The following STOX2 variants were observed in gnomAD, a reference collection of about 807,000 sequenced individuals.
STOX2 encodes the protein storkhead box 2, also known as storkhead-box protein 2.
Under a neutral mutation model 60.9 loss-of-function variants are expected in STOX2, and 28 were observed. The ratio of observed to expected loss-of-function variants is 0.46; its 90% CI spans 0.34 to 0.63. The LOEUF is 0.63. STOX2 is among the 30% of genes least tolerant of loss of function. The probability of loss-of-function intolerance (pLI) is 0.01; values close to 1 mark genes in which losing one functional copy is unlikely to be tolerated. For missense variants in STOX2, 1,024 were observed against 1,187.7 expected, an observed-to-expected ratio of 0.86 and a Z score of 2.03; for synonymous variants, 472 against 463.9, an observed-to-expected ratio of 1.02 and a Z score of -0.22.
At chr4:183,961,154 G>C (rs116421761) in intron 1 of STOX2, among the ~76,000 whole-genome samples, 1,730 of 152,146 alleles carry the variant, frequency 0.011, 14 homozygotes, top group South Asian at 0.054. Flanking sequence ...GTGTCGCTAG[G>C]GGGGACACAT....
chr4:183,847,915 GA>G (rs1740023891), intron 1 of STOX2, among the ~76,000 whole-genome samples: 1 of 152,176 alleles, frequency 6.6e-6, no homozygotes, highest in Non-Finnish European at 1.5e-5. Flanking sequence ...AAACATGTGT[GA>G]GCTAAGTGCA....
rs1361037053 is a variant in STOX2, at chr4:184,011,605, C to T, written c.2585+182C>T. ...TTTTCAGGAATTGAAAAAAATGTTT[C>T]TGCACCTGTAGAGATCACCAATCTG... On this transcript the variant is annotated intron_variant, in intron 3 of 3. Coordinates refer to ENST00000308497, the MANE Select transcript of STOX2 (RefSeq NM_020225.3). The surrounding 1 kb of genome is among the most constrained non-coding windows in gnomAD (Gnocchi z 4.4). 2.6e-6 allele frequency: 4 copies of T among 1,527,704 alleles called. No homozygotes were observed. In the South Asian group the frequency reaches 4.8e-5, roughly 18 times the overall value. The allele number at this position is 1,527,704 out of a possible 1,614,324, so 94.6% of individuals were successfully genotyped here. A position where few individuals can be genotyped will look rare whatever the true frequency, so the allele number is the denominator to read the frequency against.
chr4:183,912,941 A>G (rs1741823087), intron 1 of STOX2, among the ~76,000 whole-genome samples: 1 of 152,246 alleles, frequency 6.6e-6, no homozygotes, highest in Non-Finnish European at 1.5e-5. Context: ...TGTGATTGGT[A>G]GACAGGACCA....
chr4:183,943,581 C>T (rs777219152), intron 1 of STOX2, among the ~76,000 whole-genome samples: 7 of 152,040 alleles, frequency 4.6e-5, no homozygotes, highest in South Asian at 4.2e-4. Flanking sequence ...TTCAAACGTA[C>T]GAGAAGAAAT....
At chr4:183,944,309 G>C (rs1227642994) in intron 1 of STOX2, among the ~76,000 whole-genome samples, 1 of 152,240 alleles carries the variant, frequency 6.6e-6, no homozygotes, top group Non-Finnish European at 1.5e-5. Context: ...AACTGGAATA[G>C]TTCACGTGGT....
intron 1 of STOX2, among the ~76,000 whole-genome samples, chr4:183,884,791 A>T (rs1375892347): frequency 6.6e-6 from 1 of 152,204 alleles, no homozygotes; most frequent in African/African-American, 2.4e-5. Flanking sequence ...AAGTTTGTCA[A>T]GTTGGCTGAA....
chr4:183,839,934 GT>G (rs1447241990), intron 1 of STOX2, among the ~76,000 whole-genome samples: 1 of 152,150 alleles, frequency 6.6e-6, no homozygotes, highest in Non-Finnish European at 1.5e-5. Flanking sequence ...CGCTCTAAGG[GT>G]TTTGTTTGTT....
intron 1 of STOX2, among the ~76,000 whole-genome samples, chr4:183,888,943 T>C (rs1399768240): frequency 6.6e-6 from 1 of 152,056 alleles, no homozygotes; most frequent in Non-Finnish European, 1.5e-5. Flanking sequence ...GGCTTCTTCC[T>C]CTGTCAGGAA....
chr4:183,893,959 T>C (rs1361632989), intron 1 of STOX2, among the ~76,000 whole-genome samples: 5 of 152,164 alleles, frequency 3.3e-5, no homozygotes, highest in Admixed American at 1.3e-4. Context: ...TGAGACCAGC[T>C]CGGGCAACAT....
chr4:183,961,724 A>G (rs1242610892), intron 1 of STOX2, among the ~76,000 whole-genome samples: 2 of 152,024 alleles, frequency 1.3e-5, no homozygotes, highest in African/African-American at 2.4e-5. Context: ...GCTTATTTCT[A>G]CCCCTCTATA....
intron 1 of STOX2, among the ~76,000 whole-genome samples, chr4:183,882,634 A>G (rs1740983772): frequency 6.6e-6 from 1 of 152,242 alleles, no homozygotes; most frequent in Non-Finnish European, 1.5e-5. Flanking sequence ...GAGTTGTAGC[A>G]GCTGTTAGGA....
At chr4:183,972,413 A>G (rs1334461823) in intron 1 of STOX2, among the ~76,000 whole-genome samples, 1 of 152,166 alleles carries the variant, frequency 6.6e-6, no homozygotes. Context: ...CAAGAGAGCT[A>G]TTGCATAAAA....
rs116937921 is a variant in STOX2, at chr4:183,917,145, C to T, written c.166+10189C>T. ...GTTTAAATGTATAGATACGGGGACA[C>T]ATGGTCTTGCTGGCATTCCCAGTGG... On this transcript the variant is annotated intron_variant, in intron 1 of 3. Coordinates refer to ENST00000308497, the MANE Select transcript of STOX2 (RefSeq NM_020225.3). Among the ~76,000 whole-genome samples, 12 of 152,328 alleles carry T rather than the reference C, an allele frequency of 7.9e-5. No homozygotes were observed. The East Asian group carries it at 2.1e-3, about 27-fold the overall frequency.
chr4:183,919,160 C>T (rs1038022643), intron 1 of STOX2, among the ~76,000 whole-genome samples: 5 of 152,154 alleles, frequency 3.3e-5, no homozygotes, highest in Admixed American at 2.6e-4. Context: ...GCATGCAGAT[C>T]TTGTTTTTCC....
In STOX2 at chr4:184,001,222, CTG is replaced by C. The variant is rs1300602785; in HGVS notation, c.167-99_167-98del. 2.2e-5 allele frequency: 24 copies of C among 1,113,834 alleles called. No homozygotes were observed. In the Admixed American group the frequency reaches 4.2e-4, roughly 20 times the overall value. The allele number at this position is 1,113,834 out of a possible 1,614,324, so 69.0% of individuals were successfully genotyped here. A position where few individuals can be genotyped will look rare whatever the true frequency, so the allele number is the denominator to read the frequency against. ...AAGCAGCTGCTATGTTCGGAGCTGA[CTG>C]TGTTCGTCAGACCAGGGCCAGATGG... On this transcript the variant is annotated intron_variant, in intron 1 of 3. Coordinates refer to ENST00000308497, the MANE Select transcript of STOX2 (RefSeq NM_020225.3). The surrounding 1 kb of genome is among the most constrained non-coding windows in gnomAD (Gnocchi z 4.2).
At chr4:183,909,845 T>G (rs1399236669) in intron 1 of STOX2, among the ~76,000 whole-genome samples, 1 of 152,232 alleles carries the variant, frequency 6.6e-6, no homozygotes, top group Non-Finnish European at 1.5e-5. Flanking sequence ...GCAATAGGCT[T>G]GACATTTAGC....
chr4:183,860,456 A>AAG (rs1553968698), intron 1 of STOX2, among the ~76,000 whole-genome samples: 5 of 149,468 alleles, frequency 3.3e-5, no homozygotes, highest in Admixed American at 6.7e-5. Context: ...AAAAAAAAAA[A>AAG]AAGAAGAAAA....
chr4:183,836,501 C>T lies in STOX2; in HGVS notation c.364+38446C>T, dbSNP rs751305318. ...TCCAGGCTGCTGCAATCTTAGGGCA[C>T]GACTCTACTTTCTATGAATGTGAAC... On this transcript the variant is annotated intron_variant, in intron 1 of 2. Transcript: ENST00000513034. This position sits in a 1 kb window ranked among gnomAD's most constrained non-coding sequence, Gnocchi z 4.1. Among the ~76,000 whole-genome samples, 1 of 152,174 alleles carries T rather than the reference C, an allele frequency of 6.6e-6. No individual in the cohort carries two copies. Among genetic ancestry groups the T allele is most frequent in the Non-Finnish European group, 1.5e-5 (1 of 68,034 alleles).
chr4:183,807,110 C>A (rs548295737), intron 1 of STOX2, among the ~76,000 whole-genome samples: 2 of 152,040 alleles, frequency 1.3e-5, no homozygotes, highest in Non-Finnish European at 2.9e-5. Context: ...GTAGCTGGGA[C>A]TGCAGGCGAC....
Sources: gnomAD v4.1 joint callset for allele counts (sites outside exome capture counted in the v4.1 genomes callset) on GRCh38, gnomAD v4.1.1 for gene constraint, Gnocchi (gnomAD v3.1) non-coding constraint, MANE v1.5 for transcripts, NCBI Gene and HGNC (gene_info 2026-07-23, HGNC 2026-07-21) for gene names.